Variants in CLSTN2 observed in about 807,000 individuals in gnomAD.
CLSTN2 encodes the protein calsyntenin-2.
Under a neutral mutation model 101.2 loss-of-function variants are expected in CLSTN2, and 48 were observed. The ratio of observed to expected loss-of-function variants is 0.47; its 90% CI spans 0.38 to 0.60. CLSTN2 has a LOEUF of 0.60. Ranked by LOEUF, CLSTN2 falls within the 20% of genes least tolerant of loss-of-function variation. The pLI is 0.00. For synonymous variants in CLSTN2, 481 were observed against 463.6 expected (o/e 1.04, Z -0.48); for missense variants, 1,160 against 1,238.2 (o/e 0.94, Z 0.95).
At chr3:140,313,957 T>TG (rs2087202014) in intron 2 of CLSTN2, among the ~76,000 whole-genome samples, 1 of 152,204 alleles carries the variant, frequency 6.6e-6, no homozygotes, top group African/African-American at 2.4e-5. Flanking sequence ...CCAGTTCCTC[T>TG]GGTAGCCACA....
At chr3:140,563,410 C>T (rs1319627320) in intron 15 of CLSTN2, among the ~76,000 whole-genome samples, 1 of 152,218 alleles carries the variant, frequency 6.6e-6, no homozygotes, top group Non-Finnish European at 1.5e-5. Flanking sequence ...ACGCAACACA[C>T]ATAATAGCAG....
intron 8 of CLSTN2, among the ~76,000 whole-genome samples, chr3:140,469,130 C>A (rs1042541081): frequency 6.6e-6 from 1 of 152,314 alleles, no homozygotes; most frequent in Non-Finnish European, 1.5e-5. Flanking sequence ...GTGGTCCACC[C>A]TTTTGACCTC....
At chr3:140,246,723 A>AG (rs1010009831) in intron 2 of CLSTN2, among the ~76,000 whole-genome samples, 4 of 152,186 alleles carry the variant, frequency 2.6e-5, no homozygotes, top group African/African-American at 9.7e-5. Flanking sequence ...AGAGAGCAAC[A>AG]GGGGCATATG....
chr3:140,372,097 G>A (rs1480542645), intron 2 of CLSTN2, among the ~76,000 whole-genome samples: 1 of 152,196 alleles, frequency 6.6e-6, no homozygotes, highest in African/African-American at 2.4e-5. Flanking sequence ...GGGAGGAGCA[G>A]GAGCTTTGTC....
intron 2 of CLSTN2, among the ~76,000 whole-genome samples, chr3:140,194,212 G>C (rs563440875): frequency 6.6e-6 from 1 of 152,156 alleles, no homozygotes; most frequent in Non-Finnish European, 1.5e-5. Context: ...AGAAGTCCAA[G>C]ATCAAGGTGC....
chr3:140,005,176 C>A (rs1283142047), intron 1 of CLSTN2, among the ~76,000 whole-genome samples: 1 of 152,178 alleles, frequency 6.6e-6, no homozygotes, highest in Admixed American at 6.5e-5. Flanking sequence ...CATGGCAGGG[C>A]AGCTCTGAGG....
intron 9 of CLSTN2, among the ~76,000 whole-genome samples, chr3:140,535,554 C>T (rs750196859): frequency 1.3e-5 from 2 of 152,192 alleles, no homozygotes; most frequent in Admixed American, 6.5e-5. Flanking sequence ...TCCAGATATA[C>T]GCTAGGACTG....
chr3:140,256,339 A>G (rs564263728), intron 2 of CLSTN2, among the ~76,000 whole-genome samples: 2 of 152,266 alleles, frequency 1.3e-5, no homozygotes, highest in East Asian at 3.9e-4. Context: ...GTGTTTTTTC[A>G]TTCATGATCA....
At chr3:140,279,408 T>C (rs1235437391) in intron 2 of CLSTN2, among the ~76,000 whole-genome samples, 2 of 152,202 alleles carry the variant, frequency 1.3e-5, no homozygotes, top group East Asian at 1.9e-4. Context: ...CCTTGATTCA[T>C]TGAAAAAAGA....
Position 140,568,279 on chromosome 3 carries a change from G to A in CLSTN2, c.*2026G>A, listed in dbSNP as rs560990480. 8 of 152,166 alleles carry A rather than the reference G, an allele frequency of 5.3e-5. No individual in the cohort carries two copies. Among genetic ancestry groups the A allele is most frequent in the Non-Finnish European group, 8.8e-5 (6 of 68,040 alleles). The allele number at this position is 152,166 out of a possible 1,614,324, so 9.4% of individuals were successfully genotyped here. A position where few individuals can be genotyped will look rare whatever the true frequency, so the allele number is the denominator to read the frequency against. On this transcript the variant is annotated 3_prime_UTR_variant, in exon 17 of 17. Transcript: ENST00000458420. Reference sequence around the variant, plus strand: ...GCTCCTTCCCTACATTATATTTGCAGACGGGAAATAAACAGGCCTAGAAAT... The same window carrying A: ...GCTCCTTCCCTACATTATATTTGCAAACGGGAAATAAACAGGCCTAGAAAT...
At position 140,562,202 on chromosome 3, in the gene CLSTN2, C is replaced by T. The variant is rs371326995; in HGVS notation, c.2106C>T (p.Ile702=). ...HNLDFCDILV[I]GGDLDPRQEC... ...TAGATTTCTGTGACATTTTGGTGAT[C>T]GGAGGGGACTTGGACCCAAGGCAGG... The change falls in exon 13 of 17, where the codon ATC becomes ATT. Residue 702 remains isoleucine (I), a synonymous_variant. Coordinates refer to ENST00000458420, the MANE Select transcript of CLSTN2 (RefSeq NM_022131.3). 6.2e-5 allele frequency: 100 copies of T among 1,613,882 alleles called. No individual in the cohort carries two copies. The highest frequency in any genetic ancestry group is 7.9e-5 in the Non-Finnish European group (93 of 1,179,952).
At chr3:139,959,442 AG>A (rs1306297201) in intron 1 of CLSTN2, among the ~76,000 whole-genome samples, 1 of 152,164 alleles carries the variant, frequency 6.6e-6, no homozygotes, top group Non-Finnish European at 1.5e-5. Flanking sequence ...ACAGATATCG[AG>A]GGGGCATTGT....
chr3:140,433,791 A>T (rs563748528), intron 5 of CLSTN2, among the ~76,000 whole-genome samples: 7 of 152,376 alleles, frequency 4.6e-5, no homozygotes, highest in African/African-American at 1.7e-4. Flanking sequence ...GTGAAGGCAG[A>T]GGAGAGCAAG....
At chr3:140,496,658 A>G (rs1036775066) in intron 8 of CLSTN2, among the ~76,000 whole-genome samples, 6 of 152,050 alleles carry the variant, frequency 3.9e-5, no homozygotes, top group African/African-American at 1.4e-4. Flanking sequence ...GTTTATTGAG[A>G]GTTTTTAACA....
At chr3:140,463,681 A>C (rs1328851526) in intron 7 of CLSTN2, among the ~76,000 whole-genome samples, 2 of 152,090 alleles carry the variant, frequency 1.3e-5, no homozygotes, top group Non-Finnish European at 2.9e-5. Flanking sequence ...GTCTGAATGC[A>C]AGTGAATGAC....
rs533640614 is a variant in CLSTN2 at position 140,269,618 on chromosome 3, G to T, written c.232+93545G>T. On this transcript the variant is annotated intron_variant, in intron 2 of 16. Coordinates refer to ENST00000458420, the MANE Select transcript of CLSTN2 (RefSeq NM_022131.3). ...TAAACAGCCCCTTCTGGAAAGAAAA[G>T]CTTTCGATATTATTGAGTGAACTCT... is the stretch of plus-strand genomic sequence containing the variant. Among the ~76,000 whole-genome samples, 190 of 152,316 alleles carry T rather than the reference G, an allele frequency of 1.2e-3. 1 individual carries two copies. Among genetic ancestry groups the T allele is most frequent in the African/African-American group, 4.5e-3 (186 of 41,574 alleles).
At chr3:139,985,152 T>C (rs1936000914) in intron 1 of CLSTN2, among the ~76,000 whole-genome samples, 1 of 152,190 alleles carries the variant, frequency 6.6e-6, no homozygotes, top group Admixed American at 6.5e-5. Context: ...TAGGCAATTC[T>C]CCACTCAACA....
chr3:139,993,217 C>T (rs1936145338), intron 1 of CLSTN2, among the ~76,000 whole-genome samples: 2 of 152,078 alleles, frequency 1.3e-5, no homozygotes, highest in Admixed American at 1.3e-4. Context: ...CCAAGAGTAC[C>T]TCTTGGTGGG....
intron 2 of CLSTN2, among the ~76,000 whole-genome samples, chr3:140,324,517 C>G (rs914160468): frequency 6.6e-6 from 1 of 151,952 alleles, no homozygotes; most frequent in Non-Finnish European, 1.5e-5. Context: ...GAAAGTAGAC[C>G]AAAATGTTGA....
Sources: gnomAD v4.1 joint callset for allele counts (sites outside exome capture counted in the v4.1 genomes callset) on GRCh38, gnomAD v4.1.1 for gene constraint, MANE v1.5 for transcripts, NCBI Gene and HGNC (gene_info 2026-07-23, HGNC 2026-07-21) for gene names.